Variants in ACYP2 observed in about 807,000 individuals in gnomAD.
ACYP2 encodes acylphosphatase-2.
Under a neutral mutation model 11.2 loss-of-function variants are expected in ACYP2, and 12 were observed. The observed-to-expected ratio is 1.08, with a 90% CI of 0.69 to 1.74. The LOEUF is 1.74. Among genes scored for constraint, ACYP2 ranks in the 40% most tolerant of loss-of-function variants. The probability of loss-of-function intolerance (pLI) is 0.00; values close to 1 mark genes in which losing one functional copy is unlikely to be tolerated. For synonymous variants in ACYP2, 43 were observed against 32.2 expected (o/e 1.33, Z -1.13); for missense variants, 134 against 101.9 (o/e 1.31, Z -1.35).
intron 6 of ACYP2, among the ~76,000 whole-genome samples, chr2:54,232,551 GCCGTCTTGC>G (rs1432464406): frequency 6.6e-6 from 1 of 152,156 alleles, no homozygotes; most frequent in East Asian, 1.9e-4. Context: ...GTACAGGAAG[GCCGTCTTGC>G]CCCCAGTGTC....
At chr2:54,061,408 T>C (rs993641097) in intron 4 of ACYP2, among the ~76,000 whole-genome samples, 10 of 152,174 alleles carry the variant, frequency 6.6e-5, no homozygotes, top group African/African-American at 2.4e-4. Context: ...ACCACAGAGG[T>C]GGACACGTGC....
intron 6 of ACYP2, among the ~76,000 whole-genome samples, chr2:54,191,231 C>T (rs946412134): frequency 6.6e-6 from 1 of 152,164 alleles, no homozygotes; most frequent in Non-Finnish European, 1.5e-5. Context: ...TGCCATGCAG[C>T]AGTTCAAGGC....
In ACYP2 at chr2:54,255,574, G is replaced by T. The variant is rs760017792; in HGVS notation, c.405-49114G>T. 1.9e-6 allele frequency: 3 copies of T among 1,612,758 alleles called. No individual in the cohort carries two copies. The highest frequency in any genetic ancestry group is 2.2e-5 in the South Asian group (2 of 90,920). Reference sequence around the variant, plus strand: ...GTGGAGACCCACGTTCAGGGGCCCGGGCCCGGGCCCAGGCCCTGCCTCCCT... The same window carrying T: ...GTGGAGACCCACGTTCAGGGGCCCGTGCCCGGGCCCAGGCCCTGCCTCCCT... On this transcript the variant is annotated intron_variant, in intron 6 of 6. Transcript: ENST00000607452.
At chr2:54,089,393 C>CAG (rs1196667788) in intron 4 of ACYP2, among the ~76,000 whole-genome samples, 1 of 148,490 alleles carries the variant, frequency 6.7e-6, no homozygotes, top group Admixed American at 6.7e-5. Context: ...GCCAGAAGTT[C>CAG]AGATATATAT....
chr2:54,233,796 T>C (rs76322009), intron 6 of ACYP2, among the ~76,000 whole-genome samples: 18 of 152,128 alleles, frequency 1.2e-4, no homozygotes, highest in African/African-American at 4.1e-4. Flanking sequence ...CTCTCTTACA[T>C]TAAGGGAACT....
intron 6 of ACYP2, among the ~76,000 whole-genome samples, chr2:54,299,591 CA>C (rs1213298753): frequency 0.26 from 20,475 of 79,152 alleles, 1,522 homozygotes; most frequent in African/African-American, 0.36. Context: ...GACTCTGTCT[CA>C]AAAAAAAAAA....
chr2:54,191,225 A>G (rs1684225117), intron 6 of ACYP2, among the ~76,000 whole-genome samples: 1 of 152,016 alleles, frequency 6.6e-6, no homozygotes, highest in Non-Finnish European at 1.5e-5. Context: ...AGTCCTTGCC[A>G]TGCAGCAGTT....
chr2:54,026,475 A>G (rs1366672796), intron 2 of ACYP2, among the ~76,000 whole-genome samples: 2 of 152,220 alleles, frequency 1.3e-5, no homozygotes, highest in African/African-American at 4.8e-5. Flanking sequence ...GTAAACTAGT[A>G]CAACTACTAT....
In ACYP2 at chr2:54,115,615, A is replaced by G. The variant is rs1679709305; in HGVS notation, c.278-19838A>G. On this transcript the variant is annotated intron_variant, in intron 4 of 6. An upstream start codon of the reference 5' UTR is lost. Transcript: ENST00000607452. ...GGCGCGGGGTGCGCCAAGCAGTCCC[A>G]TGTGTCCCCTCCCTCTCGCAGCCGC... 17 of 1,560,242 alleles carry G rather than the reference A, an allele frequency of 1.1e-5. No individual in the cohort carries two copies. The highest frequency in any genetic ancestry group is 1.3e-5 in the Non-Finnish European group (15 of 1,152,324).
At chr2:54,254,704 A>G in intron 6 of ACYP2, 1 of 552,990 alleles carries the variant, frequency 1.8e-6, no homozygotes. Context: ...GGAGCATGTG[A>G]TGTTAATGCA....
intron 2 of ACYP2, among the ~76,000 whole-genome samples, chr2:53,998,651 A>G (rs1472659361): frequency 6.6e-6 from 1 of 152,044 alleles, no homozygotes; most frequent in Non-Finnish European, 1.5e-5. Context: ...CCCCAGTGCT[A>G]CTAAAAATAC....
intron 4 of ACYP2, among the ~76,000 whole-genome samples, chr2:54,085,343 CG>C (rs1246131907): frequency 6.6e-6 from 1 of 152,158 alleles, no homozygotes; most frequent in East Asian, 1.9e-4. Context: ...GCGGACTGTC[CG>C]GGGCTGGTTG....
intron 2 of ACYP2, among the ~76,000 whole-genome samples, chr2:54,014,571 T>C (rs1043625753): frequency 1.3e-5 from 2 of 152,198 alleles, no homozygotes; most frequent in African/African-American, 2.4e-5. Context: ...TCCGCCCACC[T>C]TGGCCTCCCA....
chr2:54,149,634 C>G (rs2103806505), intron 6 of ACYP2, among the ~76,000 whole-genome samples: 1 of 152,254 alleles, frequency 6.6e-6, no homozygotes, highest in African/African-American at 2.4e-5. Context: ...CATAAAGACT[C>G]AATGGTAGTT....
At chr2:54,139,489 T>C (rs929003191) in intron 6 of ACYP2, among the ~76,000 whole-genome samples, 6 of 152,230 alleles carry the variant, frequency 3.9e-5, no homozygotes, top group African/African-American at 1.4e-4. Context: ...CCTTGTGTTT[T>C]CAGCTTCATA....
chr2:54,280,910 C>G (rs1688820810), intron 6 of ACYP2, among the ~76,000 whole-genome samples: 1 of 152,038 alleles, frequency 6.6e-6, no homozygotes, highest in Non-Finnish European at 1.5e-5. Context: ...TTTGTGAATT[C>G]TTTGAAGAGA....
chr2:54,188,906 C>T (rs1421321695), intron 6 of ACYP2, among the ~76,000 whole-genome samples: 4 of 152,210 alleles, frequency 2.6e-5, no homozygotes, highest in African/African-American at 7.2e-5. Flanking sequence ...TGCAGACAAA[C>T]AGCCCCTCCG....
intron 6 of ACYP2, among the ~76,000 whole-genome samples, chr2:54,246,414 A>T (rs1686953947): frequency 6.6e-6 from 1 of 152,140 alleles, no homozygotes; most frequent in Admixed American, 6.5e-5. Context: ...TTGTGTCTTC[A>T]GGAATGCCTT....
At chr2:54,238,544 T>C (rs1040809399) in intron 6 of ACYP2, among the ~76,000 whole-genome samples, 1 of 152,200 alleles carries the variant, frequency 6.6e-6, no homozygotes, top group Non-Finnish European at 1.5e-5. Flanking sequence ...GATAGTATCA[T>C]TGATCATATT....
Sources: gnomAD v4.1 joint callset for allele counts (sites outside exome capture counted in the v4.1 genomes callset) on GRCh38, gnomAD v4.1.1 for gene constraint, MANE v1.5 for transcripts, NCBI Gene and HGNC (gene_info 2026-07-23, HGNC 2026-07-21) for gene names.